The following SELENOO variants were observed in gnomAD, a reference collection of about 807,000 sequenced individuals.
The protein encoded by SELENOO is protein adenylyltransferase SelO, mitochondrial.
Under a neutral mutation model 58.7 loss-of-function variants are expected in SELENOO, and 74 were observed. The observed-to-expected ratio is 1.26, with a 90% CI of 1.04 to 1.53. SELENOO has a LOEUF of 1.53. Among genes scored for constraint, SELENOO ranks in the 40% most tolerant of loss-of-function variants. The probability of loss-of-function intolerance (pLI) is 0.00; values close to 1 mark genes in which losing one functional copy is unlikely to be tolerated. For missense variants in SELENOO, 1,149 were observed against 970.0 expected, an observed-to-expected ratio of 1.18 and a Z score of -2.45; for synonymous variants, 543 against 453.2, an observed-to-expected ratio of 1.20 and a Z score of -2.52.
Position 50,210,742 on chromosome 22 carries a change from G to GCCGGAACTGCCC in SELENOO, c.1184_1195dup (p.Pro395_Pro398dup), listed in dbSNP as rs1398289902. On this transcript the variant is annotated inframe_insertion, in exon 5 of 9. Coordinates refer to ENST00000380903, the MANE Select transcript of SELENOO (RefSeq NM_031454.2). Reference sequence around the variant, plus strand: ...TGCGGAAGCTGGCCGAGGCCCTGCAGCCGGAACTGCCCCTGGAGCTGGGGG... The same window carrying GCCGGAACTGCCC: ...TGCGGAAGCTGGCCGAGGCCCTGCAGCCGGAACTGCCCCCGGAACTGCCCCTGGAGCTGGGGG... The GCCGGAACTGCCC allele has an allele frequency of 2.5e-6, 4 of 1,613,640 alleles. No individual in the cohort carries two copies. The highest frequency in any genetic ancestry group is 3.4e-6 in the Non-Finnish European group (4 of 1,180,020).
chr22:50,207,250 A>C (rs2064339100), intron 2 of SELENOO, among the ~76,000 whole-genome samples: 1 of 151,800 alleles, frequency 6.6e-6, no homozygotes, highest in Non-Finnish European at 1.5e-5. Context: ...AGTCCCCCCA[A>C]ATAGCTGGGG....
chr22:50,217,119 C>G lies in SELENOO; in HGVS notation c.1836C>G (p.Asp612Glu), dbSNP rs564768542. ...CCATCGAGGCTGCCGAGCGCGGGGA[C>G]TTCTCAGAGGCAAGCACACGCCTGT... ...QNAIEAAERG[D>E]FSEVRRVLKL... The change falls in exon 8 of 9, where the codon GAC becomes GAG. Residue 612 changes from aspartate to glutamate, a missense_variant. By Grantham distance (45) the Asp-to-Glu change is conservative (BLOSUM62 2). Coordinates refer to ENST00000380903, the MANE Select transcript of SELENOO (RefSeq NM_031454.2). 7 of 1,612,928 alleles carry G rather than the reference C, an allele frequency of 4.3e-6. No homozygotes were observed. In the South Asian group the frequency reaches 6.6e-5, roughly 15 times the overall value.
intron 1 of SELENOO, chr22:50,205,961 G>T: frequency 3.4e-6 from 1 of 294,470 alleles, no homozygotes; most frequent in Non-Finnish European, 6.4e-6. Context: ...TGGTGCAAAG[G>T]CTGTTGTGTC....
At position 50,201,598 on chromosome 22, in the gene SELENOO, G is replaced by A; in HGVS notation, c.554+8G>A. 2 of 1,273,546 alleles carry A rather than the reference G, an allele frequency of 1.6e-6. No individual in the cohort carries two copies. Among genetic ancestry groups the A allele is most frequent in the South Asian group, 2.3e-5 (1 of 42,662 alleles). The allele number at this position is 1,273,546 out of a possible 1,614,324, so 78.9% of individuals were successfully genotyped here. On this transcript the variant is annotated splice_region_variant and intron_variant, in intron 1 of 8. Coordinates refer to ENST00000380903, the MANE Select transcript of SELENOO (RefSeq NM_031454.2). ...GCCCACGCCCTTCTCCAGGTGGGCCGGGGCGGGCGAGGGGCGCGGGTGGGT... is the reference window on the plus strand; with the variant it reads ...GCCCACGCCCTTCTCCAGGTGGGCCAGGGCGGGCGAGGGGCGCGGGTGGGT...
rs1351292314 is a variant in SELENOO at position 50,217,029 on chromosome 22, G to A, written c.1746G>A (p.Glu582=). 1 of 1,612,132 alleles carries A rather than the reference G, an allele frequency of 6.2e-7. No individual in the cohort carries two copies. The highest frequency in any genetic ancestry group is 8.5e-7 in the Non-Finnish European group (1 of 1,179,918). ...GAGDAAAWQA[E]HVRVMHANNP... is the part of the protein sequence containing the mutation. ...GGGACGCTGCCGCCTGGCAGGCTGAGCACGTGCGCGTGATGCACGCCAACA... is the reference window on the plus strand; with the variant it reads ...GGGACGCTGCCGCCTGGCAGGCTGAACACGTGCGCGTGATGCACGCCAACA... The change falls in exon 8 of 9, where the codon GAG becomes GAA. Residue 582 remains glutamate (E), a synonymous_variant. Transcript: ENST00000380903.
At chr22:50,213,998 C>T (rs11703673) in intron 5 of SELENOO, among the ~76,000 whole-genome samples, 47,928 of 152,098 alleles carry the variant, frequency 0.32, 7,805 homozygotes, top group African/African-American at 0.35. Flanking sequence ...CCAACTCTTA[C>T]TATAGATAGA....
intron 6 of SELENOO, 56 bp from the exon 7 acceptor site, chr22:50,216,635 T>A: frequency 2.0e-6 from 3 of 1,490,502 alleles, no homozygotes; most frequent in Non-Finnish European, 2.7e-6. Context: ...AGCAGCTGCC[T>A]GCAGGGCAGG....
intron 5 of SELENOO, among the ~76,000 whole-genome samples, chr22:50,214,021 C>T (rs1309678899): frequency 2.6e-5 from 4 of 152,220 alleles, no homozygotes; most frequent in Non-Finnish European, 4.4e-5. Flanking sequence ...TGTTTGTTGT[C>T]TGTCCCTTCC....
At chr22:50,215,602 G>C (rs2064400316) in intron 5 of SELENOO, 115 bp from the exon 6 acceptor site, 1 of 836,418 alleles carries the variant, frequency 1.2e-6, no homozygotes, top group African/African-American at 1.8e-5. Context: ...TGGAGCATGT[G>C]GGTGGGTCCA....
At chr22:50,203,642 G>C (rs2064315523) in intron 1 of SELENOO, among the ~76,000 whole-genome samples, 1 of 152,224 alleles carries the variant, frequency 6.6e-6, no homozygotes, top group South Asian at 2.1e-4. Context: ...AACAAATGGT[G>C]CTGGGAAAAC....
At chr22:50,211,295 T>G (rs1240037128) in intron 5 of SELENOO, among the ~76,000 whole-genome samples, 1 of 152,136 alleles carries the variant, frequency 6.6e-6, no homozygotes, top group Non-Finnish European at 1.5e-5. Context: ...GCACTGTGTG[T>G]TGTGTGCCGT....
intron 5 of SELENOO, among the ~76,000 whole-genome samples, chr22:50,212,631 GGTAGC>G (rs1272359594): frequency 6.6e-6 from 1 of 152,068 alleles, no homozygotes; most frequent in Non-Finnish European, 1.5e-5. Context: ...TGCAGCCCCT[GGTAGC>G]AACCACTCCG....
At position 50,217,345 on chromosome 22, in the gene SELENOO, A is replaced by T. The variant is rs781659498; in HGVS notation, c.1986A>T (p.Glu662Asp). ...GTAAGCCCCCGCTCTGGGCAGCAGA[A>T]CTGTGCGTGACATGATCTTCGTAAC... Reference protein sequence around the residue: ...YSSKPPLWAAELCVTUSS With the variant: ...YSSKPPLWAADLCVTUSS Residue 662 changes from glutamate to aspartate, a missense_variant, in exon 9 of 9, where the codon GAA (glutamate) becomes GAT (aspartate). Coordinates refer to ENST00000380903, the MANE Select transcript of SELENOO (RefSeq NM_031454.2). The T allele has an allele frequency of 2.5e-6, 4 of 1,612,836 alleles. No homozygotes were observed. The East Asian group carries it at 8.9e-5, about 36-fold the overall frequency.
rs756586322 is a variant in SELENOO at position 50,217,407 on chromosome 22, G to A, written c.*38G>A. The A allele has an allele frequency of 4.4e-6, 7 of 1,604,170 alleles. No homozygotes were observed. In the East Asian group the frequency reaches 1.3e-4, roughly 31 times the overall value. On this transcript the variant is annotated 3_prime_UTR_variant, in exon 9 of 9. Coordinates refer to ENST00000380903, the MANE Select transcript of SELENOO (RefSeq NM_031454.2). ...GCTCCACACCCCTGGAGTCTCCCGA[G>A]GCCCCCATGTGCTGCTGAGTGGCCA...
chr22:50,215,687 T>C lies in SELENOO; in HGVS notation c.1352-30T>C, dbSNP rs1265051025. On this transcript the variant is annotated intron_variant, in intron 5 of 8. Transcript: ENST00000380903. ...AGGACAGGGACCCTGGGCCTTCTGCTTCCAGCTCCCTGAGCAGCCTGTGTT... is the reference window on the plus strand; with the variant it reads ...AGGACAGGGACCCTGGGCCTTCTGCCTCCAGCTCCCTGAGCAGCCTGTGTT... 1.9e-6 allele frequency: 3 copies of C among 1,547,072 alleles called. No homozygotes were observed. The East Asian group carries it at 7.0e-5, about 36-fold the overall frequency.
intron 5 of SELENOO, 132 bp downstream of exon 5, chr22:50,211,043 T>A: frequency 1.1e-6 from 1 of 897,458 alleles, no homozygotes; most frequent in Non-Finnish European, 1.7e-6. Context: ...GCACCCCCAT[T>A]CTACTCTCTG....
chr22:50,207,772 G>T (rs1341626099), intron 2 of SELENOO, among the ~76,000 whole-genome samples: 1 of 132,170 alleles, frequency 7.6e-6, no homozygotes, highest in Non-Finnish European at 1.6e-5. Context: ...TCCCCTGGGG[G>T]GCAGTCACCC....
chr22:50,208,382 A>G (rs370246975), intron 2 of SELENOO, 154 bp from the exon 3 acceptor site: 9 of 622,896 alleles, frequency 1.4e-5, no homozygotes, highest in South Asian at 1.1e-4. Flanking sequence ...GTGAGGCGAG[A>G]TCGCGCCACT....
intron 2 of SELENOO, among the ~76,000 whole-genome samples, chr22:50,207,144 A>G (rs1201189167): frequency 1.3e-5 from 2 of 151,634 alleles, no homozygotes; most frequent in African/African-American, 4.8e-5. Flanking sequence ...TTTTTTTGAG[A>G]CAGAGTATCG....
Sources: allele counts gnomAD v4.1 joint callset (sites outside exome capture counted in the v4.1 genomes callset), GRCh38; gene constraint gnomAD v4.1.1; transcripts MANE v1.5; gene names NCBI Gene and HGNC (gene_info 2026-07-23, HGNC 2026-07-21).